Variants in TJP1 observed in about 807,000 individuals in gnomAD.
TJP1 encodes the protein tight junction protein 1, also known as tight junction protein ZO-1.
In TJP1, 43 loss-of-function variants were observed where a neutral mutation model predicts 194.2. The observed-to-expected ratio is 0.22, with a 90% CI of 0.17 to 0.29. TJP1 has a LOEUF of 0.29. Among genes scored for constraint, TJP1 ranks in the 10% least tolerant of loss-of-function variants. TJP1 has a pLI of 1.00. For synonymous variants in TJP1, 801 were observed against 779.0 expected (o/e 1.03, Z -0.47); for missense variants, 1,971 against 2,185.7 (o/e 0.90, Z 1.96).
chr15:29,953,197 G>A (rs1436774866), intron 2 of TJP1, among the ~76,000 whole-genome samples: 4 of 132,948 alleles, frequency 3.0e-5, no homozygotes, highest in Non-Finnish European at 6.2e-5. Context: ...ACTGGAGTGC[G>A]GTGGCACCAT....
intron 8 of TJP1, among the ~76,000 whole-genome samples, chr15:29,745,784 T>C (rs1293683041): frequency 6.6e-6 from 1 of 152,200 alleles, no homozygotes; most frequent in Non-Finnish European, 1.5e-5. Context: ...AAGTTTCTTA[T>C]CAAAAGAATA....
At chr15:29,771,692 C>T (rs2046691208) in intron 4 of TJP1, among the ~76,000 whole-genome samples, 1 of 151,784 alleles carries the variant, frequency 6.6e-6, no homozygotes, top group African/African-American at 2.4e-5. Context: ...GTAGTCCCAG[C>T]TACTCAGGAG....
At chr15:29,763,200 C>T (rs796500173) in intron 5 of TJP1, among the ~76,000 whole-genome samples, 7 of 152,200 alleles carry the variant, frequency 4.6e-5, no homozygotes, top group African/African-American at 1.7e-4. Context: ...AACATCACTC[C>T]GTCTGTGGGT....
At chr15:29,771,738 G>A (rs1595839136) in intron 4 of TJP1, among the ~76,000 whole-genome samples, 3 of 151,676 alleles carry the variant, frequency 2.0e-5, no homozygotes, top group Admixed American at 2.0e-4. Context: ...CTAGGAGGCG[G>A]AGTTTGCAGT....
intron 2 of TJP1, among the ~76,000 whole-genome samples, chr15:29,855,805 G>T (rs961719378): frequency 6.6e-6 from 1 of 151,368 alleles, no homozygotes; most frequent in Non-Finnish European, 1.5e-5. Flanking sequence ...TCAGTGAGCC[G>T]AGATAACAAC....
Position 29,726,944 on chromosome 15 carries a change from A to C in TJP1, c.2148T>G (p.Leu716=). 1 of 1,614,234 alleles carries C rather than the reference A, an allele frequency of 6.2e-7. No homozygotes were observed. Among genetic ancestry groups the C allele is most frequent in the Non-Finnish European group, 8.5e-7 (1 of 1,180,038 alleles). Residue 716 remains leucine (L), a synonymous_variant, in exon 17 of 28, where the codon CTT becomes CTG. Transcript: ENST00000614355. Reference sequence around the variant, plus strand: ...CAATTGGATACCACTGGGCATAGTTAAGACGATCAACTGCATTTGGTGTTA... The same window carrying C: ...CAATTGGATACCACTGGGCATAGTTCAGACGATCAACTGCATTTGGTGTTA... The part of the protein sequence containing the change: ...LDVTPNAVDR[L]NYAQWYPIVV...
intron 8 of TJP1, among the ~76,000 whole-genome samples, chr15:29,751,197 C>A (rs1383406082): frequency 5.9e-5 from 9 of 152,154 alleles, no homozygotes; most frequent in Non-Finnish European, 8.8e-5. Context: ...TACTTGGGAA[C>A]AAAAGGTAAA....
chr15:29,818,903 C>A (rs772986988), intron 1 of TJP1, among the ~76,000 whole-genome samples: 1 of 151,844 alleles, frequency 6.6e-6, no homozygotes, highest in Admixed American at 6.6e-5. Context: ...ATGCAACCTC[C>A]GCCTTCCAGG....
rs778206679 is a variant in TJP1 at position 29,704,234 on chromosome 15, G to A, written c.5140C>T (p.Arg1714Cys). The A allele has an allele frequency of 7.5e-6, 12 of 1,595,956 alleles. No individual in the cohort carries two copies. Among genetic ancestry groups the A allele is most frequent in the South Asian group, 2.3e-5 (2 of 87,208 alleles). ...GLKFLKPVELRLPHCASMTPD... is the reference protein window; with the variant it reads ...GLKFLKPVELCLPHCASMTPD... ...GTCATGGACGCACAGTGTGGTAAGC[G>A]CAGCTCCACAGGCTTCAGGAACTTG... is the stretch of plus-strand genomic sequence containing the variant. Residue 1714 changes from arginine to cysteine, a missense_variant, in exon 27 of 28, where the codon CGC becomes TGC. Arg to Cys is a radical substitution (Grantham distance 180). Coordinates refer to ENST00000614355, the MANE Select transcript of TJP1 (RefSeq NM_001330239.4).
At chr15:29,841,028 A>G (rs1279728929) in intron 2 of TJP1, among the ~76,000 whole-genome samples, 1 of 152,192 alleles carries the variant, frequency 6.6e-6, no homozygotes, top group Non-Finnish European at 1.5e-5. Flanking sequence ...TCCTTGAAGT[A>G]GATTTCAAAG....
intron 2 of TJP1, among the ~76,000 whole-genome samples, chr15:29,851,546 G>A (rs2051642299): frequency 1.3e-5 from 2 of 152,112 alleles, no homozygotes; most frequent in East Asian, 3.9e-4. Context: ...AACATTTAAA[G>A]AAGAACAACG....
chr15:29,716,962 A>T, intron 22 of TJP1, 124 bp from the exon 23 acceptor site: 1 of 813,988 alleles, frequency 1.2e-6, no homozygotes, highest in Non-Finnish European at 1.9e-6. Context: ...ATTACTGAGG[A>T]TCTGAGCAGT....
rs34610097 is a variant in TJP1, at chr15:29,721,755, T to C, written c.2413-1047A>G. On this transcript the variant is annotated intron_variant, in intron 18 of 27. Transcript: ENST00000614355. Reference sequence around the variant, plus strand: ...TGAATGGTTTTGACCAAAATGCTAATAGTGATATGGACAATAAAGTCCAGG... The same window carrying C: ...TGAATGGTTTTGACCAAAATGCTAACAGTGATATGGACAATAAAGTCCAGG... Among the ~76,000 whole-genome samples the C allele has an allele frequency of 9.6e-3, 1,458 of 152,334 alleles. 11 individuals carry two copies. Among genetic ancestry groups the C allele is most frequent in the Non-Finnish European group, 0.014 (960 of 68,034 alleles).
At chr15:29,955,753 TAAAAAAAAA>T (rs563535771) in intron 2 of TJP1, among the ~76,000 whole-genome samples, 179 of 35,818 alleles carry the variant, frequency 5.0e-3, no homozygotes, top group African/African-American at 9.3e-3. Flanking sequence ...CCTGGCTCTT[TAAAAAAAAA>T]AAAAAAAAAA....
chr15:29,740,425 A>T (rs2082591699), intron 10 of TJP1, among the ~76,000 whole-genome samples: 1 of 152,054 alleles, frequency 6.6e-6, no homozygotes, highest in South Asian at 2.1e-4. Flanking sequence ...CAGGACTTTT[A>T]GACCAGCCTG....
intron 5 of TJP1, among the ~76,000 whole-genome samples, chr15:29,765,512 A>G (rs546363650): frequency 1.3e-5 from 2 of 152,212 alleles, no homozygotes; most frequent in Admixed American, 6.5e-5. Flanking sequence ...AACTTCAAAG[A>G]AGTACTGCAT....
chr15:29,883,412 A>C lies in TJP1; in HGVS notation c.306+72820T>G, dbSNP rs2053008520. ...CACTCTGCATTGTTTATGCTTGCTCAAATAACTTATATTTGCTCCTCAGTT... is the reference window on the plus strand; with the variant it reads ...CACTCTGCATTGTTTATGCTTGCTCCAATAACTTATATTTGCTCCTCAGTT... On this transcript the variant is annotated intron_variant, in intron 2 of 28. Transcript: ENST00000356107. Among the ~76,000 whole-genome samples, 4 of 152,166 alleles carry C rather than the reference A, an allele frequency of 2.6e-5. No individual in the cohort carries two copies. The South Asian group carries it at 8.3e-4, about 32-fold the overall frequency.
intron 2 of TJP1, among the ~76,000 whole-genome samples, chr15:29,930,486 C>T (rs1483473318): frequency 6.6e-6 from 1 of 152,188 alleles, no homozygotes; most frequent in Non-Finnish European, 1.5e-5. Context: ...ACTGCATTAT[C>T]ATCTTAACAG....
intron 8 of TJP1, among the ~76,000 whole-genome samples, chr15:29,758,268 C>T (rs954062883): frequency 2.0e-5 from 3 of 151,840 alleles, no homozygotes; most frequent in Non-Finnish European, 4.4e-5. Context: ...CCAGGTTGTT[C>T]GAGGGTCAAA....
Sources: gnomAD v4.1 joint callset for allele counts (sites outside exome capture counted in the v4.1 genomes callset) on GRCh38, gnomAD v4.1.1 for gene constraint, MANE v1.5 for transcripts, NCBI Gene and HGNC (gene_info 2026-07-23, HGNC 2026-07-21) for gene names.